SUN2: variants seen among roughly 807,000 people sequenced by gnomAD.
The protein encoded by SUN2 is SUN domain-containing protein 2.
SUN2 carries 60 observed loss-of-function variants against 100.0 expected under a neutral mutation model. The observed-to-expected ratio is 0.60, with a 90% CI of 0.49 to 0.74. The LOEUF (loss-of-function observed/expected upper bound fraction) is 0.74. Among genes scored for constraint, SUN2 ranks in the 30% least tolerant of loss-of-function variants. The pLI, the probability that SUN2 is intolerant of heterozygous loss-of-function variation, is 0.00. For missense variants in SUN2, 834 were observed against 954.6 expected (o/e 0.87, Z 1.66); for synonymous variants, 367 against 403.3 (o/e 0.91, Z 1.08).
chr22:38,750,099 C>A, intron 5 of SUN2, 126 bp downstream of exon 5: 1 of 1,424,204 alleles, frequency 7.0e-7, no homozygotes, highest in Non-Finnish European at 9.4e-7. Flanking sequence ...AGTGATTATT[C>A]TAGAATGACC....
In SUN2 at chr22:38,741,540, T is replaced by C; in HGVS notation, c.1100A>G (p.Gln367Arg). Residue 367 changes from glutamine to arginine, a missense_variant, in exon 10 of 18, where the codon CAG becomes CGG. Coordinates refer to ENST00000689035, the MANE Select transcript of SUN2 (RefSeq NM_015374.3). ...EELSALRAEH[Q>R]QDSEDLFKKI... ...CTTGAAGAGGTCTTCTGAGTCTTGCTGATGCTCTGCTCTCAGGGCAGACAG... is the reference window on the plus strand; with the variant it reads ...CTTGAAGAGGTCTTCTGAGTCTTGCCGATGCTCTGCTCTCAGGGCAGACAG... The C allele has an allele frequency of 1.2e-6, 2 of 1,614,086 alleles. No individual in the cohort carries two copies. The highest frequency in any genetic ancestry group is 2.2e-5 in the South Asian group (2 of 91,082).
In SUN2 at chr22:38,738,297, G is replaced by T; in HGVS notation, c.1948-32C>A. The T allele has an allele frequency of 6.3e-7, 1 of 1,586,228 alleles. No homozygotes were observed. Among genetic ancestry groups the T allele is most frequent in the Non-Finnish European group, 8.6e-7 (1 of 1,156,964 alleles). ...AGAGAGCGGAGGGAAGTGGGGAGGG[G>T]CTGGAGCAGGGAGAACACCCCTCCC... On this transcript the variant is annotated intron_variant, in intron 16 of 17. Coordinates refer to ENST00000689035, the MANE Select transcript of SUN2 (RefSeq NM_015374.3). The surrounding 1 kb of genome is among the most constrained non-coding windows in gnomAD (Gnocchi z 6.6).
intron 8 of SUN2, among the ~76,000 whole-genome samples, chr22:38,744,062 GAAAC>G (rs2092882712): frequency 6.6e-6 from 1 of 152,030 alleles, no homozygotes; most frequent in Non-Finnish European, 1.5e-5. Flanking sequence ...CCAACATGGT[GAAAC>G]CCTGTCTCTA....
At chr22:38,754,752 A>C (rs1173956598) in intron 1 of SUN2, 1 of 1,286,216 alleles carries the variant, frequency 7.8e-7, no homozygotes. Flanking sequence ...ACCATACCCA[A>C]GCTGCCGCTG....
In SUN2 at chr22:38,740,365, C is replaced by T. The variant is rs376340507; in HGVS notation, c.1258G>A (p.Gly420Ser). 70 of 1,578,638 alleles carry T rather than the reference C, an allele frequency of 4.4e-5. No individual in the cohort carries two copies. The highest frequency in any genetic ancestry group is 3.2e-4 in the African/African-American group (24 of 74,328). The change falls in exon 12 of 18, where the codon GGC (glycine) becomes AGC (serine). Residue 420 changes from glycine to serine, a missense_variant. Around this residue, in one of 3 missense-constraint regions of SUN2, gnomAD observed 559 missense variants for 597.7 expected, o/e 0.94. Coordinates refer to ENST00000689035, the MANE Select transcript of SUN2 (RefSeq NM_015374.3). This position sits in a 1 kb window ranked among gnomAD's most constrained non-coding sequence, Gnocchi z 4.8. ...ELRRLEDQLAGLQQELAALAL... is the reference protein window; with the variant it reads ...ELRRLEDQLASLQQELAALAL... The stretch of plus-strand genomic sequence containing the variant: ...AGAGCCGCCAGCTCCTGCTGCAGGC[C>T]GGCCAGCTGGTCCTCCAGCCGCCTC...
intron 8 of SUN2, among the ~76,000 whole-genome samples, chr22:38,744,397 T>C (rs539563424): frequency 6.6e-6 from 1 of 151,930 alleles, no homozygotes; most frequent in South Asian, 2.1e-4. Context: ...GGCAACATAG[T>C]GAGACCCTGT....
intron 1 of SUN2, 52 bp from the exon 2 acceptor site, chr22:38,752,717 C>T: frequency 6.5e-7 from 1 of 1,545,506 alleles, no homozygotes; most frequent in Non-Finnish European, 8.7e-7. Context: ...CTGTCCCCAG[C>T]TCCTCTCTAG....
At position 38,755,707 on chromosome 22, in the gene SUN2, C is replaced by T. The variant is rs1011015464; in HGVS notation, c.-38+56G>A. 2 of 984,270 alleles carry T rather than the reference C, an allele frequency of 2.0e-6. No individual in the cohort carries two copies. The highest frequency in any genetic ancestry group is 2.4e-6 in the Non-Finnish European group (2 of 829,208). 61.0% of individuals were successfully genotyped at this position (984,270 alleles called of 1,614,324 possible). A position where few individuals can be genotyped will look rare whatever the true frequency, so the allele number is the denominator to read the frequency against. On this transcript the variant is annotated intron_variant, in intron 1 of 17. Transcript: ENST00000689035. The surrounding 1 kb of genome is among the most constrained non-coding windows in gnomAD (Gnocchi z 5.7). Reference sequence around the variant, plus strand: ...CCGCCCGAGTGGCCCGACGGTGACCCGGGGTCAGGCCGGGCCGCGGCCCCC... The same window carrying T: ...CCGCCCGAGTGGCCCGACGGTGACCTGGGGTCAGGCCGGGCCGCGGCCCCC...
rs1416102847 is a variant in SUN2 at position 38,738,414 on chromosome 22, T to A, written c.1948-149A>T. ...ACTCTCTTGTGCCACAGTTTCTGCCTCCAAAGCCTAAGGTAACAGGGACTG... is the reference window on the plus strand; with the variant it reads ...ACTCTCTTGTGCCACAGTTTCTGCCACCAAAGCCTAAGGTAACAGGGACTG... On this transcript the variant is annotated intron_variant, in intron 16 of 17. Transcript: ENST00000689035. The surrounding 1 kb of genome is among the most constrained non-coding windows in gnomAD (Gnocchi z 6.6). 8.9e-7 allele frequency: 1 copy of A among 1,124,772 alleles called. No individual in the cohort carries two copies. Among genetic ancestry groups the A allele is most frequent in the Non-Finnish European group, 1.3e-6 (1 of 784,732 alleles). The allele number at this position is 1,124,772 out of a possible 1,614,324, so 69.7% of individuals were successfully genotyped here. A position where few individuals can be genotyped will look rare whatever the true frequency, so the allele number is the denominator to read the frequency against.
intron 1 of SUN2, chr22:38,754,834 C>A: frequency 7.8e-7 from 1 of 1,288,084 alleles, no homozygotes; most frequent in Non-Finnish European, 1.0e-6. Context: ...CTCCGCCCTC[C>A]CAGAACTCCC....
Position 38,736,159 on chromosome 22 carries a change from C to G in SUN2, c.*108G>C, listed in dbSNP as rs372361156. The stretch of plus-strand genomic sequence containing the variant: ...TTCATCTGCATGGGGCCACAGGCTC[C>G]TCTCTTGTGCTCCTAGAAGTCAGAG... On this transcript the variant is annotated 3_prime_UTR_variant, in exon 18 of 18. Transcript: ENST00000689035. 1,059 of 1,079,506 alleles carry G rather than the reference C, an allele frequency of 9.8e-4. 23 individuals are homozygous for G. In the South Asian group the frequency reaches 0.013, roughly 13 times the overall value. The allele number at this position is 1,079,506 out of a possible 1,614,324, so 66.9% of individuals were successfully genotyped here. A position where few individuals can be genotyped will look rare whatever the true frequency, so the allele number is the denominator to read the frequency against.
Position 38,739,099 on chromosome 22 carries a change from T to G in SUN2, c.1664-111A>C, listed in dbSNP as rs1569295379. ...GACGGCAGATGCCCCAGGCCTAGCC[T>G]TTAACCCTAACCGAGATGCTCAGAG... On this transcript the variant is annotated intron_variant, in intron 14 of 17. Coordinates refer to ENST00000689035, the MANE Select transcript of SUN2 (RefSeq NM_015374.3). The surrounding 1 kb of genome is among the most constrained non-coding windows in gnomAD (Gnocchi z 6.7). The G allele has an allele frequency of 2.6e-6, 3 of 1,143,872 alleles. No homozygotes were observed. Among genetic ancestry groups the G allele is most frequent in the East Asian group, 5.1e-5 (2 of 38,974 alleles). The allele number at this position is 1,143,872 out of a possible 1,614,324, so 70.9% of individuals were successfully genotyped here.
At position 38,749,765 on chromosome 22, in the gene SUN2, C is replaced by T; in HGVS notation, c.614+1G>A. The T allele has an allele frequency of 6.2e-7, 1 of 1,614,064 alleles. No individual in the cohort carries two copies. Among genetic ancestry groups the T allele is most frequent in the Non-Finnish European group, 8.5e-7 (1 of 1,179,984 alleles). On this transcript the variant is annotated splice_donor_variant, in intron 6 of 17. Transcript: ENST00000689035. LOFTEE classifies it high-confidence loss of function. ...ATTGGCAAGGGTGGAGTCTCGCTCA[C>T]CTGGTTAAAACGAAGACGTCAAGGA...
intron 17 of SUN2, chr22:38,736,602 A>G (rs1474100561): frequency 1.0e-5 from 4 of 391,858 alleles, no homozygotes; most frequent in Non-Finnish European, 1.8e-5. Flanking sequence ...CTTCATCTGA[A>G]ACCGGAATGA....
At chr22:38,754,537 T>G in intron 1 of SUN2, 2 of 1,006,086 alleles carry the variant, frequency 2.0e-6, no homozygotes, top group Non-Finnish European at 2.7e-6. Context: ...AGGGACCGAT[T>G]GGTAGTAGGA....
At chr22:38,741,329 C>T (rs1337894425) in intron 10 of SUN2, among the ~76,000 whole-genome samples, 165 bp downstream of exon 10, 1 of 152,148 alleles carries the variant, frequency 6.6e-6, no homozygotes, top group African/African-American at 2.4e-5. Context: ...CTGCACAGCT[C>T]TCCAACTAAG....
Position 38,739,372 on chromosome 22 carries a change from C to T in SUN2, c.1633G>A (p.Gly545Arg), listed in dbSNP as rs758076166. 7 of 1,613,128 alleles carry T rather than the reference C, an allele frequency of 4.3e-6. No homozygotes were observed. Among genetic ancestry groups the T allele is most frequent in the Non-Finnish European group, 5.1e-6 (6 of 1,180,000 alleles). Residue 545 changes from glycine to arginine, a missense_variant, in exon 14 of 18, where the codon GGG becomes AGG. Transcript: ENST00000689035. This position sits in a 1 kb window ranked among gnomAD's most constrained non-coding sequence, Gnocchi z 6.7. ...GACTCCAGGGCGTAGTCTGCCAGCC[C>T]GATGCGGTCCTCACTGTAGCGCTGC... ...ALQRYSEDRIGLADYALESGG... is the reference protein window; with the variant it reads ...ALQRYSEDRIRLADYALESGG...
chr22:38,755,545 C>T lies in SUN2; in HGVS notation c.-38+218G>A, dbSNP rs952649413. The T allele has an allele frequency of 1.0e-6, 1 of 977,444 alleles. No individual in the cohort carries two copies. The highest frequency in any genetic ancestry group is 1.7e-5 in the African/African-American group (1 of 57,180). 60.5% of individuals were successfully genotyped at this position (977,444 alleles called of 1,614,324 possible). On this transcript the variant is annotated intron_variant, in intron 1 of 17. Transcript: ENST00000689035. This position sits in a 1 kb window ranked among gnomAD's most constrained non-coding sequence, Gnocchi z 5.7. ...GGGAAGTCCCGCCCGCAGACACCGCCCTCCCGGCTGACCAGTGGCGCGGCA... is the reference window on the plus strand; with the variant it reads ...GGGAAGTCCCGCCCGCAGACACCGCTCTCCCGGCTGACCAGTGGCGCGGCA...
In SUN2 at chr22:38,748,718, G is replaced by A. The variant is rs202180514; in HGVS notation, c.680C>T (p.Thr227Met). ...CTCTCCCCATGCAGGCTCACCATAC[G>A]TCAGGCACGTCAGCAAGAGCAGCGG... is the stretch of plus-strand genomic sequence containing the variant. ...LLPLLLLTCLTYGAWYFYPYG... is the reference protein window; with the variant it reads ...LLPLLLLTCLMYGAWYFYPYG... The change falls in exon 7 of 18, where the codon ACG becomes ATG. Residue 227 changes from threonine to methionine, a missense_variant. By Grantham distance (81) the Thr-to-Met change is moderately conservative (BLOSUM62 -1). This residue lies in a region of SUN2 where 559 missense variants were observed against 597.7 expected (regional missense o/e 0.94). Coordinates refer to ENST00000689035, the MANE Select transcript of SUN2 (RefSeq NM_015374.3). 5.0e-6 allele frequency: 8 copies of A among 1,614,076 alleles called. No homozygotes were observed. In the African/African-American group the frequency reaches 5.3e-5, roughly 11 times the overall value.
Sources: allele counts gnomAD v4.1 joint callset (sites outside exome capture counted in the v4.1 genomes callset), GRCh38; gene constraint gnomAD v4.1.1; regional missense constraint gnomAD v4.1.1; non-coding constraint Gnocchi (gnomAD v3.1); transcripts MANE v1.5; gene names NCBI Gene and HGNC (gene_info 2026-07-23, HGNC 2026-07-21).